Variants in CADM2 observed in about 807,000 individuals in gnomAD.
CADM2 encodes immunoglobulin superfamily member 4D.
In CADM2, 12 loss-of-function variants were observed where a neutral mutation model predicts 49.8. That is an observed-to-expected ratio of 0.24 (90% confidence interval 0.15 to 0.39). The LOEUF (loss-of-function observed/expected upper bound fraction) is 0.39. CADM2 is among the 10% of genes least tolerant of loss of function. CADM2 has a pLI of 1.00. For missense variants in CADM2, 378 were observed against 492.3 expected, an observed-to-expected ratio of 0.77 and a Z score of 2.20; for synonymous variants, 214 against 175.4, an observed-to-expected ratio of 1.22 and a Z score of -1.74.
chr3:86,013,843 G>C (rs1390106094), intron 8 of CADM2: 3 of 1,592,012 alleles, frequency 1.9e-6, no homozygotes, highest in Non-Finnish European at 2.6e-6. Flanking sequence ...GTGTCTAGTG[G>C]ATTTTCTTCC....
intron 1 of CADM2, among the ~76,000 whole-genome samples, chr3:85,080,802 T>A (rs1446653811): frequency 6.6e-6 from 1 of 152,144 alleles, no homozygotes; most frequent in East Asian, 1.9e-4. Flanking sequence ...TTTTTTCAAG[T>A]AGTTTAAATT....
At chr3:85,395,954 ATATT>A (rs1176223427) in intron 1 of CADM2, among the ~76,000 whole-genome samples, 1 of 148,538 alleles carries the variant, frequency 6.7e-6, no homozygotes, top group East Asian at 1.9e-4. Flanking sequence ...AATTTATATT[ATATT>A]TAAATTATCA....
chr3:85,863,629 C>T (rs533035988), intron 3 of CADM2, among the ~76,000 whole-genome samples: 9 of 152,296 alleles, frequency 5.9e-5, no homozygotes, highest in Non-Finnish European at 8.8e-5. Flanking sequence ...TGATGTTAGA[C>T]TTCTCAGTAT....
At chr3:85,985,781 TA>T (rs113545100) in intron 8 of CADM2, among the ~76,000 whole-genome samples, 22 of 151,160 alleles carry the variant, frequency 1.5e-4, no homozygotes, top group Admixed American at 4.0e-4. Flanking sequence ...TAGTGACTTG[TA>T]AAAAAAAATC....
At chr3:86,003,192 A>G (rs999104169) in intron 8 of CADM2, among the ~76,000 whole-genome samples, 1 of 152,152 alleles carries the variant, frequency 6.6e-6, no homozygotes, top group Non-Finnish European at 1.5e-5. Flanking sequence ...GCTGTCCATT[A>G]TAAATACTAG....
At chr3:86,057,535 CAATT>C (rs1316953455) in intron 8 of CADM2, among the ~76,000 whole-genome samples, 1 of 152,148 alleles carries the variant, frequency 6.6e-6, no homozygotes, top group African/African-American at 2.4e-5. Flanking sequence ...TTCATTCACT[CAATT>C]TGCTTAGCTT....
chr3:85,149,594 A>G (rs2039859620), intron 1 of CADM2, among the ~76,000 whole-genome samples: 1 of 152,104 alleles, frequency 6.6e-6, no homozygotes, highest in Non-Finnish European at 1.5e-5. Context: ...AAAATTAGCC[A>G]GGCATGGTGG....
intron 1 of CADM2, among the ~76,000 whole-genome samples, chr3:85,557,608 C>T (rs1449775320): frequency 6.6e-6 from 1 of 151,918 alleles, no homozygotes; most frequent in South Asian, 2.1e-4. Flanking sequence ...GATAAGTTCA[C>T]ACATACAGCT....
At chr3:85,555,896 G>A (rs66631011) in intron 1 of CADM2, among the ~76,000 whole-genome samples, 77,863 of 151,912 alleles carry the variant, frequency 0.51, 23,022 homozygotes, top group East Asian at 0.85. Flanking sequence ...GATTTTAAAT[G>A]TATTTAACTA....
intron 1 of CADM2, among the ~76,000 whole-genome samples, chr3:85,610,178 G>C (rs1244434880): frequency 6.6e-6 from 1 of 152,018 alleles, no homozygotes; most frequent in South Asian, 2.1e-4. Context: ...GTAATTTAAT[G>C]ACTTCGAAGA....
intron 1 of CADM2, among the ~76,000 whole-genome samples, chr3:85,269,374 A>G (rs1004903520): frequency 1.3e-5 from 2 of 151,414 alleles, no homozygotes; most frequent in Non-Finnish European, 3.0e-5. Flanking sequence ...AAAAGTATGT[A>G]CTATAAAAAT....
intron 7 of CADM2, among the ~76,000 whole-genome samples, chr3:85,956,874 A>G (rs75798448): frequency 0.041 from 6,182 of 151,606 alleles, 415 homozygotes; most frequent in African/African-American, 0.14. Flanking sequence ...AATTTTGAGT[A>G]TACGGAAGTG....
At chr3:85,915,945 G>A (rs796979150) in intron 6 of CADM2, among the ~76,000 whole-genome samples, 1 of 152,050 alleles carries the variant, frequency 6.6e-6, no homozygotes, top group African/African-American at 2.4e-5. Flanking sequence ...AGAAACCTAA[G>A]TTTGGTGAGC....
chr3:85,933,553 G>A (rs1309262991), intron 6 of CADM2, among the ~76,000 whole-genome samples: 1 of 152,080 alleles, frequency 6.6e-6, no homozygotes, highest in African/African-American at 2.4e-5. Context: ...GAGACATGGA[G>A]CCAATAGGCT....
At chr3:85,978,305 ATTC>A (rs1376520836) in intron 8 of CADM2, among the ~76,000 whole-genome samples, 6,156 of 151,578 alleles carry the variant, frequency 0.041, 404 homozygotes, top group African/African-American at 0.14. Flanking sequence ...ATTAAACACT[ATTC>A]TTTCTGGGTT....
chr3:85,522,043 A>G (rs1030585564), intron 1 of CADM2, among the ~76,000 whole-genome samples: 11 of 152,012 alleles, frequency 7.2e-5, no homozygotes, highest in African/African-American at 2.7e-4. Context: ...AATGTCAAAG[A>G]CAGTATTTAT....
chr3:85,319,417 G>A (rs537915693), intron 1 of CADM2, among the ~76,000 whole-genome samples: 29 of 152,098 alleles, frequency 1.9e-4, no homozygotes, highest in Non-Finnish European at 2.5e-4. Context: ...CAGAACTACC[G>A]TTCGACTTAA....
intron 1 of CADM2, among the ~76,000 whole-genome samples, chr3:85,581,887 A>G (rs2062809702): frequency 6.7e-6 from 1 of 150,356 alleles, no homozygotes; most frequent in Non-Finnish European, 1.5e-5. Context: ...TGAATTTTAA[A>G]CCATGCTATT....
intron 8 of CADM2, among the ~76,000 whole-genome samples, chr3:86,020,026 C>T (rs933748028): frequency 7.9e-5 from 12 of 151,946 alleles, no homozygotes; most frequent in African/African-American, 2.9e-4. Flanking sequence ...CACAAAAAAC[C>T]CTTCAAAAAA....
Sources: allele counts gnomAD v4.1 joint callset (sites outside exome capture counted in the v4.1 genomes callset), GRCh38; gene constraint gnomAD v4.1.1; transcripts MANE v1.5; gene names NCBI Gene and HGNC (gene_info 2026-07-23, HGNC 2026-07-21).